The following MON2 variants were observed in gnomAD, a reference collection of about 807,000 sequenced individuals.
MON2 encodes the protein MON2 regulator of endosome-to-Golgi trafficking.
Under a neutral mutation model 208.6 loss-of-function variants are expected in MON2, and 84 were observed. The ratio of observed to expected loss-of-function variants is 0.40; its 90% CI spans 0.34 to 0.48. The LOEUF is 0.48. Ranked by LOEUF, MON2 falls within the 20% of genes least tolerant of loss-of-function variation. The probability of loss-of-function intolerance (pLI) is 0.59; values close to 1 mark genes in which losing one functional copy is unlikely to be tolerated. For missense variants in MON2, 1,611 were observed against 2,015.4 expected, an observed-to-expected ratio of 0.80 and a Z score of 3.84; for synonymous variants, 660 against 694.0, an observed-to-expected ratio of 0.95 and a Z score of 0.77.
Position 62,580,327 on chromosome 12 carries a change from C to T in MON2, c.4606C>T (p.Pro1536Ser), listed in dbSNP as rs2074958657. 3.1e-6 allele frequency: 5 copies of T among 1,610,650 alleles called. No homozygotes were observed. In the East Asian group the frequency reaches 1.1e-4, roughly 36 times the overall value. ...TCAACTTATCAGCAATGAGATACTA[C>T]CTTATGCCAATTTTATTCCTAAGGA... is the stretch of plus-strand genomic sequence containing the variant. ...VVQLISNEIL[P>S]YANFIPKEFV... Residue 1536 changes from proline (P) to serine (S), a missense_variant, in exon 32 of 35, where the codon CCT becomes TCT. Transcript: ENST00000393630.
Position 62,537,108 on chromosome 12 carries a change from T to C in MON2, c.1901-43T>C, listed in dbSNP as rs773140517. On this transcript the variant is annotated intron_variant, in intron 14 of 34. Coordinates refer to ENST00000393630, the MANE Select transcript of MON2 (RefSeq NM_015026.3). ...ATATAACATTACTTTAAATGCAATATAAAAATATATTTTAATTATTTAGGC... is the reference window on the plus strand; with the variant it reads ...ATATAACATTACTTTAAATGCAATACAAAAATATATTTTAATTATTTAGGC... The C allele has an allele frequency of 2.5e-6, 3 of 1,212,204 alleles. No individual in the cohort carries two copies. In the Admixed American group the frequency reaches 6.9e-5, roughly 28 times the overall value. 75.1% of individuals were successfully genotyped at this position (1,212,204 alleles called of 1,614,324 possible). A position where few individuals can be genotyped will look rare whatever the true frequency, so the allele number is the denominator to read the frequency against.
rs2075555828 is a variant in MON2 at position 62,597,685 on chromosome 12, A to C, written c.*4936A>C. The C allele has an allele frequency of 6.6e-6, 1 of 152,200 alleles. No individual in the cohort carries two copies. The highest frequency in any genetic ancestry group is 2.4e-5 in the African/African-American group (1 of 41,454). The allele number at this position is 152,200 out of a possible 1,614,324, so 9.4% of individuals were successfully genotyped here. ...TGGATTCAGCACCTAAATTTGGAAT[A>C]ATCATGTCTTTTCTGTTATGTGGGT... On this transcript the variant is annotated 3_prime_UTR_variant, in exon 35 of 35. Transcript: ENST00000393630.
chr12:62,568,802 A>G (rs1048483878), intron 29 of MON2, among the ~76,000 whole-genome samples: 1 of 151,822 alleles, frequency 6.6e-6, no homozygotes, highest in African/African-American at 2.4e-5. Flanking sequence ...ACAGGCACAC[A>G]CCACCACGCA....
At position 62,585,459 on chromosome 12, in the gene MON2, A is replaced by G. The variant is rs758208470; in HGVS notation, c.4865A>G (p.Tyr1622Cys). Reference protein sequence around the residue: ...LKRSQDVLHRYIEDERLSGKC... With the variant: ...LKRSQDVLHRCIEDERLSGKC... Reference sequence around the variant, plus strand: ...AGGTCCCAAGATGTACTACATCGCTATATAGAGGATGAAAGATTAAGTGGT... The same window carrying G: ...AGGTCCCAAGATGTACTACATCGCTGTATAGAGGATGAAAGATTAAGTGGT... The change falls in exon 33 of 35, where the codon TAT (tyrosine) becomes TGT (cysteine). Residue 1622 changes from tyrosine (Y) to cysteine (C), a missense_variant. Coordinates refer to ENST00000393630, the MANE Select transcript of MON2 (RefSeq NM_015026.3). 5 of 1,612,834 alleles carry G rather than the reference A, an allele frequency of 3.1e-6. No homozygotes were observed. Among genetic ancestry groups the G allele is most frequent in the African/African-American group, 1.3e-5 (1 of 75,042 alleles).
chr12:62,498,005 A>G (rs2070622201), intron 4 of MON2, among the ~76,000 whole-genome samples: 1 of 151,858 alleles, frequency 6.6e-6, no homozygotes, highest in Non-Finnish European at 1.5e-5. Flanking sequence ...AAATGAAAAC[A>G]TATGTCCTCA....
chr12:62,529,255 G>A (rs2072495708), intron 11 of MON2, among the ~76,000 whole-genome samples: 2 of 152,158 alleles, frequency 1.3e-5, no homozygotes, highest in Non-Finnish European at 2.9e-5. Context: ...TTTAGTGTCA[G>A]TCAGACTTGA....
intron 19 of MON2, among the ~76,000 whole-genome samples, chr12:62,540,344 C>A (rs1483436747): frequency 6.6e-6 from 1 of 152,062 alleles, no homozygotes; most frequent in East Asian, 1.9e-4. Flanking sequence ...GAGACTTACT[C>A]TCTGAATTTT....
chr12:62,535,429 T>A (rs1252771262), intron 13 of MON2, 96 bp from the exon 14 acceptor site: 14 of 933,286 alleles, frequency 1.5e-5, no homozygotes, highest in Non-Finnish European at 2.2e-5. Context: ...TTGTATAGAT[T>A]TTCTTAAAAT....
chr12:62,515,421 A>G (rs796881445), intron 8 of MON2, among the ~76,000 whole-genome samples: 19 of 152,348 alleles, frequency 1.2e-4, no homozygotes, highest in African/African-American at 4.6e-4. Context: ...TGAGTAGTCA[A>G]ATTCATAGAG....
chr12:62,528,223 T>C (rs578102544), intron 11 of MON2, among the ~76,000 whole-genome samples: 11 of 152,316 alleles, frequency 7.2e-5, no homozygotes, highest in African/African-American at 2.6e-4. Context: ...TTCAATTCAT[T>C]GTGAGGTTCA....
chr12:62,492,684 A>AT (rs1442782964), intron 2 of MON2, among the ~76,000 whole-genome samples: 2 of 146,604 alleles, frequency 1.4e-5, no homozygotes, highest in Non-Finnish European at 3.0e-5. Context: ...AGTTCTTATA[A>AT]TAAAAAATAA....
chr12:62,585,416 C>T lies in MON2; in HGVS notation c.4822C>T (p.Leu1608Phe). ...AGAAGGCTACATCTCACGAATGGCA[C>T]TCTCAGTGCTTTTAAAGAGGTCCCA... ...PQEGYISRMA[L>F]SVLLKRSQDV... Residue 1608 changes from leucine to phenylalanine, a missense_variant, in exon 33 of 35, where the codon CTC becomes TTC. Coordinates refer to ENST00000393630, the MANE Select transcript of MON2 (RefSeq NM_015026.3). 1 of 1,613,758 alleles carries T rather than the reference C, an allele frequency of 6.2e-7. No individual in the cohort carries two copies. The highest frequency in any genetic ancestry group is 8.5e-7 in the Non-Finnish European group (1 of 1,179,702).
intron 2 of MON2, among the ~76,000 whole-genome samples, chr12:62,488,283 C>T (rs879215814): frequency 2.0e-5 from 3 of 152,114 alleles, no homozygotes; most frequent in African/African-American, 7.2e-5. Context: ...ATAAGGAAGG[C>T]ACCTAACCCA....
At chr12:62,573,115 T>C (rs2074656969) in intron 30 of MON2, among the ~76,000 whole-genome samples, 1 of 152,242 alleles carries the variant, frequency 6.6e-6, no homozygotes, top group Non-Finnish European at 1.5e-5. Context: ...TTGTAGTTTA[T>C]GTATTTTTCA....
At chr12:62,499,378 A>G (rs2070714876) in intron 5 of MON2, among the ~76,000 whole-genome samples, 1 of 152,080 alleles carries the variant, frequency 6.6e-6, no homozygotes, top group Admixed American at 6.5e-5. Context: ...ATTGCATTAT[A>G]TTTCATGGCC....
Position 62,552,955 on chromosome 12 carries a change from GCAAAA to G in MON2, c.2992_2996del (p.Gln998AlafsTer20). On this transcript the variant is annotated frameshift_variant, in exon 24 of 35. Coordinates refer to ENST00000393630, the MANE Select transcript of MON2 (RefSeq NM_015026.3). LOFTEE classifies it high-confidence loss of function. The stretch of plus-strand genomic sequence containing the variant: ...AACTAAATAAGGAAGAGGCAGCACA[GCAAAA>G]GCAGGCAGAAGAGAAAGGAGTTGTT... 1 of 1,614,144 alleles carries G rather than the reference GCAAAA, an allele frequency of 6.2e-7. No homozygotes were observed. The highest frequency in any genetic ancestry group is 8.5e-7 in the Non-Finnish European group (1 of 1,179,984).
intron 1 of MON2, among the ~76,000 whole-genome samples, chr12:62,476,017 GA>G (rs2069054974): frequency 1.7e-5 from 2 of 117,460 alleles, no homozygotes; most frequent in African/African-American, 5.2e-5. Flanking sequence ...GTCTCAAAAA[GA>G]AAAGAAAAGG....
chr12:62,585,099 A>G (rs1207682237), intron 32 of MON2, among the ~76,000 whole-genome samples, 195 bp from the exon 33 acceptor site: 3 of 108,754 alleles, frequency 2.8e-5, no homozygotes, highest in Admixed American at 8.8e-5. Context: ...ACACACACAC[A>G]CACACACACA....
intron 20 of MON2, 147 bp from the exon 21 acceptor site, chr12:62,544,751 C>G: frequency 6.5e-7 from 1 of 1,531,176 alleles, no homozygotes; most frequent in South Asian, 1.2e-5. Context: ...ATTGCTTGCT[C>G]TTGCCCTTAT....
Sources: allele counts gnomAD v4.1 joint callset (sites outside exome capture counted in the v4.1 genomes callset), GRCh38; gene constraint gnomAD v4.1.1; transcripts MANE v1.5; gene names NCBI Gene and HGNC (gene_info 2026-07-23, HGNC 2026-07-21).